AHCY: variants seen among roughly 807,000 people sequenced by gnomAD.
AHCY encodes S-adenosyl-L-homocysteine hydrolase.
A neutral mutation model predicts 45.4 loss-of-function variants in AHCY; 24 were observed. The observed-to-expected ratio is 0.53, with a 90% CI of 0.38 to 0.74. AHCY has a LOEUF of 0.74. AHCY is among the 30% of genes least tolerant of loss of function. AHCY has a pLI of 0.00. For synonymous variants in AHCY, 245 were observed against 235.1 expected (o/e 1.04, Z -0.39); for missense variants, 449 against 594.1 (o/e 0.76, Z 2.54).
chr20:34,254,958 C>T, the AHCY span, among the ~76,000 whole-genome samples: 6 of 152,138 alleles, frequency 3.9e-5, no homozygotes, highest in Admixed American at 1.3e-4. Context: ...ACTGTTTTGC[C>T]GGGGGTTGGT....
In AHCY at chr20:34,290,536, C is replaced by A; in HGVS notation, c.854+15G>T. 3 of 1,614,130 alleles carry A rather than the reference C, an allele frequency of 1.9e-6. No homozygotes were observed. Among genetic ancestry groups the A allele is most frequent in the Non-Finnish European group, 2.5e-6 (3 of 1,179,990 alleles). ...CTCCTCCCTCACTCCCCGGGACCCC[C>A]CATCTGGCACCTACCGGCCAAGGAT... is the stretch of plus-strand genomic sequence containing the variant. On this transcript the variant is annotated intron_variant, in intron 7 of 9. Coordinates refer to ENST00000217426, the MANE Select transcript of AHCY (RefSeq NM_000687.4). This position sits in a 1 kb window ranked among gnomAD's most constrained non-coding sequence, Gnocchi z 4.5.
the AHCY span, chr20:34,260,494 C>T: frequency 6.2e-7 from 1 of 1,614,018 alleles, no homozygotes; most frequent in South Asian, 1.1e-5. Flanking sequence ...GAAGCAACTC[C>T]TCTGTGAACC....
chr20:34,283,387 C>CA (rs1203409445), intron 9 of AHCY, among the ~76,000 whole-genome samples: 1 of 152,186 alleles, frequency 6.6e-6, no homozygotes, highest in Non-Finnish European at 1.5e-5. Context: ...CAGTGCTACT[C>CA]AGAGTCATTC....
chr20:34,303,130 G>A, intron 1 of AHCY, 113 bp downstream of exon 1: 1 of 1,507,808 alleles, frequency 6.6e-7, no homozygotes, highest in Non-Finnish European at 8.9e-7. Flanking sequence ...ACGCGCCGAG[G>A]CTGCGATTCC....
At chr20:34,257,657 A>G in the AHCY span, among the ~76,000 whole-genome samples, 1 of 152,164 alleles carries the variant, frequency 6.6e-6, no homozygotes, top group African/African-American at 2.4e-5. Flanking sequence ...ATATAATAAT[A>G]AGTTTCAAAA....
At chr20:34,273,373 T>C in the AHCY span, among the ~76,000 whole-genome samples, 1 of 152,180 alleles carries the variant, frequency 6.6e-6, no homozygotes, top group East Asian at 1.9e-4. Flanking sequence ...TGATTTACTT[T>C]TCACTTTGTA....
At chr20:34,243,757 T>TA in the AHCY span, among the ~76,000 whole-genome samples, 3 of 132,606 alleles carry the variant, frequency 2.3e-5, no homozygotes, top group African/African-American at 8.2e-5. Flanking sequence ...AATATTGTAT[T>TA]TAAAAAAAAA....
the AHCY span, chr20:34,269,017 G>GCCC: frequency 6.2e-7 from 1 of 1,608,114 alleles, no homozygotes; most frequent in South Asian, 1.1e-5. Flanking sequence ...AGAAAGTGGT[G>GCCC]CGGCCCCGGA....
the AHCY span, among the ~76,000 whole-genome samples, chr20:34,260,168 C>T: frequency 6.6e-6 from 1 of 152,020 alleles, no homozygotes; most frequent in Non-Finnish European, 1.5e-5. Flanking sequence ...TTCTCTCTTC[C>T]TCTTCCCATC....
chr20:34,234,454 C>T, the AHCY span, among the ~76,000 whole-genome samples: 1 of 152,128 alleles, frequency 6.6e-6, no homozygotes, highest in African/African-American at 2.4e-5. Context: ...CCAGTGGGCG[C>T]TATCAGCTTT....
the AHCY span, chr20:34,246,578 C>T: frequency 1.3e-6 from 1 of 750,898 alleles, no homozygotes; most frequent in Non-Finnish European, 2.3e-6. Context: ...AATCCTCCCA[C>T]CTCAGCCTCC....
the AHCY span, among the ~76,000 whole-genome samples, chr20:34,237,613 C>T: frequency 6.6e-6 from 1 of 152,152 alleles, no homozygotes; most frequent in African/African-American, 2.4e-5. Flanking sequence ...TCATTTTACT[C>T]CTTCCTTTTT....
chr20:34,270,194 G>A, the AHCY span, among the ~76,000 whole-genome samples: 1 of 151,468 alleles, frequency 6.6e-6, no homozygotes, highest in African/African-American at 2.4e-5. Context: ...GGAGGCTGCA[G>A]TGAGCTATGA....
the AHCY span, among the ~76,000 whole-genome samples, chr20:34,248,345 T>C: frequency 5.9e-5 from 9 of 152,212 alleles, no homozygotes; most frequent in Admixed American, 5.9e-4. Flanking sequence ...ATTCTGGTTA[T>C]ATTAGCTAAA....
the AHCY span, among the ~76,000 whole-genome samples, chr20:34,232,480 C>A: frequency 6.6e-6 from 1 of 152,090 alleles, no homozygotes; most frequent in Non-Finnish European, 1.5e-5. Context: ...ACAGCATAGA[C>A]CACTGTCAAT....
At chr20:34,247,446 A>G in the AHCY span, among the ~76,000 whole-genome samples, 1 of 150,904 alleles carries the variant, frequency 6.6e-6, no homozygotes, top group East Asian at 2.0e-4. Context: ...GATTACAGGC[A>G]CATGCCACCA....
At chr20:34,273,120 G>C in the AHCY span, among the ~76,000 whole-genome samples, 1 of 152,046 alleles carries the variant, frequency 6.6e-6, no homozygotes, top group African/African-American at 2.4e-5. Context: ...TTGGCCATTG[G>C]TGATCAACTT....
the AHCY span, chr20:34,260,325 C>A: frequency 6.3e-7 from 1 of 1,586,774 alleles, no homozygotes; most frequent in Non-Finnish European, 8.6e-7. Flanking sequence ...TACCATTACC[C>A]CTGACCCACC....
chr20:34,279,199 G>A (rs554474189), downstream of AHCY, among the ~76,000 whole-genome samples: 53 of 151,262 alleles, frequency 3.5e-4, no homozygotes, highest in African/African-American at 1.2e-3. Context: ...TGGATCACGA[G>A]GTCAGGAGAT....
Sources: allele counts gnomAD v4.1 joint callset (sites outside exome capture counted in the v4.1 genomes callset), GRCh38; gene constraint gnomAD v4.1.1; non-coding constraint Gnocchi (gnomAD v3.1); transcripts MANE v1.5; gene names NCBI Gene and HGNC (gene_info 2026-07-23, HGNC 2026-07-21).